PPFIA2: variants seen among roughly 807,000 people sequenced by gnomAD.
The protein encoded by PPFIA2 is PPFI scaffold protein A2, also known as liprin-alpha-2.
Under a neutral mutation model 175.5 loss-of-function variants are expected in PPFIA2, and 46 were observed. That is an observed-to-expected ratio of 0.26 (90% CI 0.21 to 0.34). The LOEUF (loss-of-function observed/expected upper bound fraction) is 0.34, where lower values mean the gene tolerates loss of function less well. Among genes scored for constraint, PPFIA2 ranks in the 10% least tolerant of loss-of-function variants. The pLI is 1.00. For synonymous variants in PPFIA2, 568 were observed against 511.4 expected (o/e 1.11, Z -1.49); for missense variants, 1,179 against 1,506.1 (o/e 0.78, Z 3.60).
chr12:81,514,326 T>G (rs2062146367), intron 4 of PPFIA2, among the ~76,000 whole-genome samples: 1 of 151,968 alleles, frequency 6.6e-6, no homozygotes, highest in Admixed American at 6.6e-5. Flanking sequence ...AGAAAATTAA[T>G]TTAAGTAATA....
At chr12:81,323,850 G>T (rs2054191583) in intron 22 of PPFIA2, among the ~76,000 whole-genome samples, 1 of 152,134 alleles carries the variant, frequency 6.6e-6, no homozygotes, top group African/African-American at 2.4e-5. Context: ...AACACTGATT[G>T]CATGTTTATG....
intron 4 of PPFIA2, among the ~76,000 whole-genome samples, chr12:81,566,309 G>A (rs1242209040): frequency 3.3e-5 from 5 of 152,004 alleles, no homozygotes; most frequent in African/African-American, 1.2e-4. Context: ...AGAGCATGAG[G>A]TCAAGAGATC....
At chr12:81,300,467 T>C (rs1039392682) in intron 22 of PPFIA2, among the ~76,000 whole-genome samples, 6 of 152,166 alleles carry the variant, frequency 3.9e-5, no homozygotes, top group Non-Finnish European at 5.9e-5. Context: ...CATTAAGATA[T>C]ATAATGAATA....
rs779845077 is a variant in PPFIA2 at position 81,362,786 on chromosome 12, TA to T, written c.1546-3del. 2.0e-6 allele frequency: 3 copies of T among 1,537,146 alleles called. No homozygotes were observed. Among genetic ancestry groups the T allele is most frequent in the East Asian group, 2.5e-5 (1 of 40,646 alleles). On this transcript the variant is annotated splice_region_variant and splice_polypyrimidine_tract_variant and intron_variant, in intron 14 of 32. Transcript: ENST00000549396. ...TTCAATTTCTTCTGCTAATCTTTCC[TA>T]AAAAATCAAAACAGTGTTACTCAGA...
intron 4 of PPFIA2, among the ~76,000 whole-genome samples, chr12:81,667,662 C>T (rs907600099): frequency 1.3e-5 from 2 of 152,006 alleles, no homozygotes; most frequent in African/African-American, 4.8e-5. Context: ...CAGGCTTTGT[C>T]ATATATTCCC....
At position 81,522,786 on chromosome 12, in the gene PPFIA2, CA is replaced by C. The variant is rs113112187; in HGVS notation, c.304-64921del. On this transcript the variant is annotated intron_variant, in intron 4 of 32. Coordinates refer to ENST00000549396, the MANE Select transcript of PPFIA2 (RefSeq NM_003625.5). ...GTTTTTCTCCAGCTTGCTTTGACTG[CA>C]AAAACTTTATTTAGAGTGCATCACT... Among the ~76,000 whole-genome samples the C allele has an allele frequency of 4.7e-3, 717 of 152,272 alleles. 6 individuals carry two copies. Among genetic ancestry groups the C allele is most frequent in the African/African-American group, 0.016 (654 of 41,562 alleles).
At chr12:81,271,073 G>A (rs1210851789) in intron 28 of PPFIA2, among the ~76,000 whole-genome samples, 1 of 152,090 alleles carries the variant, frequency 6.6e-6, no homozygotes, top group African/African-American at 2.4e-5. Context: ...TTGAAAGTGT[G>A]TCCATTGTAT....
At chr12:81,538,885 G>T (rs1047364422) in intron 4 of PPFIA2, among the ~76,000 whole-genome samples, 13 of 151,914 alleles carry the variant, frequency 8.6e-5, no homozygotes. Context: ...CTGAGTTTTA[G>T]CATCACTTTG....
chr12:81,534,763 T>G (rs1352521244), intron 4 of PPFIA2, among the ~76,000 whole-genome samples: 3 of 151,572 alleles, frequency 2.0e-5, no homozygotes, highest in Non-Finnish European at 3.0e-5. Flanking sequence ...GATAAAGTAA[T>G]TGCCACACAA....
chr12:81,301,889 T>C (rs2138420323), intron 22 of PPFIA2, among the ~76,000 whole-genome samples: 1 of 152,258 alleles, frequency 6.6e-6, no homozygotes. Context: ...TTATCCCCAT[T>C]GTTTGCTTTA....
At chr12:81,479,900 C>A (rs1025489203) in intron 4 of PPFIA2, among the ~76,000 whole-genome samples, 1 of 152,020 alleles carries the variant, frequency 6.6e-6, no homozygotes, top group Non-Finnish European at 1.5e-5. Context: ...TTGCTCTTCT[C>A]GAGGAGTCTC....
At chr12:81,339,457 C>T in intron 20 of PPFIA2, 123 bp from the exon 21 acceptor site, 1 of 798,112 alleles carries the variant, frequency 1.3e-6, no homozygotes, top group East Asian at 3.4e-5. Flanking sequence ...CCCCTATTTT[C>T]CCATGTTTCC....
At chr12:81,540,101 A>T (rs1594710316) in intron 4 of PPFIA2, among the ~76,000 whole-genome samples, 1 of 151,874 alleles carries the variant, frequency 6.6e-6, no homozygotes, top group Admixed American at 6.6e-5. Flanking sequence ...AGACCAATAG[A>T]TATTTGTGTT....
chr12:81,564,442 G>A (rs934748797), intron 4 of PPFIA2, among the ~76,000 whole-genome samples: 16 of 152,154 alleles, frequency 1.1e-4, no homozygotes, highest in African/African-American at 3.9e-4. Flanking sequence ...AATGCAAACT[G>A]ACCAAAATAG....
At chr12:81,439,181 C>CTA (rs1303014403) in intron 7 of PPFIA2, among the ~76,000 whole-genome samples, 16 of 149,608 alleles carry the variant, frequency 1.1e-4, no homozygotes, top group African/African-American at 2.7e-4. Context: ...CTCTCTCTCT[C>CTA]TCTCTATATA....
intron 7 of PPFIA2, among the ~76,000 whole-genome samples, chr12:81,410,709 C>G (rs908389802): frequency 1.3e-5 from 2 of 151,888 alleles, no homozygotes; most frequent in Non-Finnish European, 2.9e-5. Context: ...AATGAAGGAA[C>G]CAAGAGCCCA....
intron 9 of PPFIA2, among the ~76,000 whole-genome samples, chr12:81,380,969 T>C (rs2037529512): frequency 2.3e-5 from 1 of 43,944 alleles, no homozygotes; most frequent in Non-Finnish European, 4.6e-5. Flanking sequence ...GTGCTGTGTG[T>C]GTGTGTGTGT....
At chr12:81,599,463 A>T (rs1040906471) in intron 4 of PPFIA2, among the ~76,000 whole-genome samples, 4 of 151,974 alleles carry the variant, frequency 2.6e-5, no homozygotes, top group African/African-American at 9.7e-5. Context: ...TAACTAGCAA[A>T]CTGCTAAATA....
intron 8 of PPFIA2, among the ~76,000 whole-genome samples, chr12:81,398,864 G>A (rs533257133): frequency 6.6e-6 from 1 of 152,090 alleles, no homozygotes; most frequent in East Asian, 1.9e-4. Context: ...ACAATACTAA[G>A]AGTTAAAATA....
Sources: gnomAD v4.1 joint callset for allele counts (sites outside exome capture counted in the v4.1 genomes callset) on GRCh38, gnomAD v4.1.1 for gene constraint, MANE v1.5 for transcripts, NCBI Gene and HGNC (gene_info 2026-07-23, HGNC 2026-07-21) for gene names.